The following AFG1L variants were observed in gnomAD, a reference collection of about 807,000 sequenced individuals.
AFG1L encodes AFG1 like ATPase, also known as AFG1-like ATPase.
AFG1L carries 53 observed loss-of-function variants against 62.2 expected under a neutral mutation model. The ratio of observed to expected loss-of-function variants is 0.85; its 90% CI spans 0.68 to 1.07. The LOEUF is 1.07. AFG1L is among the 50% of genes least tolerant of loss of function. The pLI, the probability that AFG1L is intolerant of heterozygous loss-of-function variation, is 0.00. For missense variants in AFG1L, 555 were observed against 590.5 expected, an observed-to-expected ratio of 0.94 and a Z score of 0.62; for synonymous variants, 228 against 210.3, an observed-to-expected ratio of 1.08 and a Z score of -0.73.
rs137934955 is a variant in AFG1L at position 108,380,372 on chromosome 6, C to A, written c.748+14040C>A. ...TGGGGTTGGAAGAGAGAGGGCCCTGCTGCACCATGATCTCAGGGAAGCAGA... is the reference window on the plus strand; with the variant it reads ...TGGGGTTGGAAGAGAGAGGGCCCTGATGCACCATGATCTCAGGGAAGCAGA... On this transcript the variant is annotated intron_variant, in intron 6 of 12. Transcript: ENST00000368977. Among the ~76,000 whole-genome samples the A allele has an allele frequency of 1.3e-4, 20 of 152,286 alleles. No homozygotes were observed. The East Asian group carries it at 3.5e-3, about 26-fold the overall frequency.
At chr6:108,452,291 C>A (rs1293313101) in intron 8 of AFG1L, among the ~76,000 whole-genome samples, 2 of 152,150 alleles carry the variant, frequency 1.3e-5, no homozygotes, top group African/African-American at 2.4e-5. Context: ...AGCACCATTG[C>A]TGAAGGATCC....
intron 7 of AFG1L, among the ~76,000 whole-genome samples, chr6:108,412,006 A>G (rs1384195593): frequency 1.3e-5 from 2 of 152,194 alleles, no homozygotes; most frequent in Admixed American, 1.3e-4. Context: ...CAAAGAAGCT[A>G]AAAACCTTGA....
At chr6:108,326,125 A>G (rs896488858) in intron 2 of AFG1L, among the ~76,000 whole-genome samples, 7 of 152,108 alleles carry the variant, frequency 4.6e-5, no homozygotes, top group African/African-American at 1.7e-4. Context: ...GGTGGGGTGC[A>G]GTAGCACAAT....
At chr6:108,327,610 C>T (rs1390135638) in intron 2 of AFG1L, among the ~76,000 whole-genome samples, 4 of 152,208 alleles carry the variant, frequency 2.6e-5, no homozygotes, top group African/African-American at 9.6e-5. Context: ...GCCCCACTCT[C>T]ATGACCTCAT....
At chr6:108,394,130 C>T (rs1166696282) in intron 6 of AFG1L, among the ~76,000 whole-genome samples, 4 of 142,558 alleles carry the variant, frequency 2.8e-5, no homozygotes, top group African/African-American at 7.8e-5. Context: ...CCTCCCTTCC[C>T]TTCCCCTCCC....
chr6:108,473,878 T>C (rs1450251515), intron 8 of AFG1L, among the ~76,000 whole-genome samples: 1 of 152,150 alleles, frequency 6.6e-6, no homozygotes, highest in Non-Finnish European at 1.5e-5. Flanking sequence ...TTTAAAAATA[T>C]ATATTTTATT....
chr6:108,295,054 C>T lies in AFG1L; in HGVS notation c.-26C>T, dbSNP rs765429254. ...TTCTGGGTTCCAATAAAGTTTTCCT[C>T]TTCCTCTCCTCGTACGGAGTTCAAG... On this transcript the variant is annotated 5_prime_UTR_variant, in exon 1 of 13. Transcript: ENST00000368977. The T allele has an allele frequency of 6.2e-7, 1 of 1,608,662 alleles. No individual in the cohort carries two copies. The highest frequency in any genetic ancestry group is 1.7e-5 in the Admixed American group (1 of 60,018).
At chr6:108,311,649 A>T (rs1217522829) in intron 1 of AFG1L, among the ~76,000 whole-genome samples, 1 of 151,918 alleles carries the variant, frequency 6.6e-6, no homozygotes, top group Non-Finnish European at 1.5e-5. Flanking sequence ...GATGCACTCC[A>T]CCAAGCCCAG....
At chr6:108,374,959 A>G (rs866353974) in intron 6 of AFG1L, among the ~76,000 whole-genome samples, 1 of 152,210 alleles carries the variant, frequency 6.6e-6, no homozygotes, top group Non-Finnish European at 1.5e-5. Context: ...CTTCCAATCC[A>G]TGAGCCTGGA....
At chr6:108,315,551 T>C (rs1386449837) in intron 1 of AFG1L, among the ~76,000 whole-genome samples, 1 of 152,206 alleles carries the variant, frequency 6.6e-6, no homozygotes, top group African/African-American at 2.4e-5. Context: ...TATGCCTTCC[T>C]TCCTTCCTTG....
At chr6:108,522,166 G>T in intron 12 of AFG1L, 131 bp from the exon 13 acceptor site, 1 of 704,292 alleles carries the variant, frequency 1.4e-6, no homozygotes, top group Non-Finnish European at 2.3e-6. Flanking sequence ...GATTGTATAT[G>T]GAAAAAAAAA....
chr6:108,407,987 C>G (rs1781932312), intron 7 of AFG1L, among the ~76,000 whole-genome samples: 1 of 152,070 alleles, frequency 6.6e-6, no homozygotes, highest in Admixed American at 6.5e-5. Flanking sequence ...TTTCCTGCTT[C>G]TTTGCAAGTC....
At chr6:108,407,870 C>A (rs956942487) in intron 7 of AFG1L, among the ~76,000 whole-genome samples, 1 of 152,146 alleles carries the variant, frequency 6.6e-6, no homozygotes, top group African/African-American at 2.4e-5. Flanking sequence ...ACATCTCCAT[C>A]TTCCCAGAAG....
intron 6 of AFG1L, among the ~76,000 whole-genome samples, chr6:108,401,211 C>T (rs1227918253): frequency 2.7e-5 from 4 of 149,208 alleles, no homozygotes; most frequent in African/African-American, 7.4e-5. Flanking sequence ...GGCGCAATCT[C>T]GGCTCACTGC....
At chr6:108,338,508 A>T (rs1196815608) in intron 2 of AFG1L, among the ~76,000 whole-genome samples, 5 of 151,846 alleles carry the variant, frequency 3.3e-5, no homozygotes, top group Non-Finnish European at 7.4e-5. Context: ...TTTATTTTTT[A>T]TTTTTTTGTA....
intron 2 of AFG1L, 111 bp from the exon 3 acceptor site, chr6:108,346,877 T>A (rs551050339): frequency 2.9e-5 from 22 of 767,890 alleles, no homozygotes; most frequent in African/African-American, 2.3e-4. Context: ...TTACTTATTG[T>A]ATATAATAGC....
At chr6:108,486,720 T>C (rs1040393772) in intron 10 of AFG1L, among the ~76,000 whole-genome samples, 1 of 152,172 alleles carries the variant, frequency 6.6e-6, no homozygotes, top group Non-Finnish European at 1.5e-5. Context: ...TATTTCTTTT[T>C]CTTTTTCTTT....
chr6:108,485,657 T>TATATATA (rs869070532), intron 10 of AFG1L, among the ~76,000 whole-genome samples: 35 of 12,548 alleles, frequency 2.8e-3, no homozygotes, highest in South Asian at 0.011. Flanking sequence ...TATATATATA[T>TATATATA]TTTTTTTTTT....
chr6:108,487,490 T>C (rs1403093633), intron 10 of AFG1L, among the ~76,000 whole-genome samples: 2 of 152,252 alleles, frequency 1.3e-5, no homozygotes, highest in Non-Finnish European at 2.9e-5. Context: ...GATCAGCACA[T>C]TTCTGTCATT....
Sources: allele counts gnomAD v4.1 joint callset (sites outside exome capture counted in the v4.1 genomes callset), GRCh38; gene constraint gnomAD v4.1.1; transcripts MANE v1.5; gene names NCBI Gene and HGNC (gene_info 2026-07-23, HGNC 2026-07-21).